Variants in SMYD3 observed in about 807,000 individuals in gnomAD.
The protein encoded by SMYD3 is histone-lysine N-methyltransferase SMYD3.
In SMYD3, 36 loss-of-function variants were observed where a neutral mutation model predicts 57.7. The ratio of observed to expected loss-of-function variants is 0.62; its 90% CI spans 0.48 to 0.82. The LOEUF is 0.82. Ranked by LOEUF, SMYD3 falls within the 40% of genes least tolerant of loss-of-function variation. SMYD3 has a pLI of 0.00. For missense variants in SMYD3, 515 were observed against 538.8 expected (o/e 0.96, Z 0.44); for synonymous variants, 211 against 195.0 (o/e 1.08, Z -0.68).
chr1:245,915,399 A>C (rs377690784), intron 8 of SMYD3, 131 bp downstream of exon 8: 35 of 525,584 alleles, frequency 6.7e-5, no homozygotes, highest in Admixed American at 4.3e-4. Context: ...TCAATGAGTT[A>C]TCTTATTTAT....
At chr1:246,102,831 G>C (rs549913632) in intron 5 of SMYD3, among the ~76,000 whole-genome samples, 1 of 152,244 alleles carries the variant, frequency 6.6e-6, no homozygotes, top group East Asian at 1.9e-4. Flanking sequence ...GCAGCAGTGA[G>C]CTATGATCAT....
intron 5 of SMYD3, among the ~76,000 whole-genome samples, chr1:245,956,853 T>G (rs1220488519): frequency 6.6e-6 from 1 of 152,264 alleles, no homozygotes; most frequent in Non-Finnish European, 1.5e-5. Context: ...TCCTTTGGTT[T>G]GAACATTGCA....
intron 5 of SMYD3, among the ~76,000 whole-genome samples, chr1:246,258,609 G>A (rs2063941546): frequency 6.6e-6 from 1 of 152,158 alleles, no homozygotes; most frequent in African/African-American, 2.4e-5. Context: ...TAGGGCTCCT[G>A]TTGTACAAAA....
intron 10 of SMYD3, among the ~76,000 whole-genome samples, chr1:245,843,678 C>T (rs953789176): frequency 5.3e-5 from 8 of 152,106 alleles, no homozygotes; most frequent in Non-Finnish European, 2.9e-5. Flanking sequence ...GCTATACTAA[C>T]TCCTCAGGAT....
At chr1:245,950,995 C>T (rs12093515) in intron 5 of SMYD3, among the ~76,000 whole-genome samples, 46 of 152,184 alleles carry the variant, frequency 3.0e-4, no homozygotes, top group African/African-American at 9.6e-4. Flanking sequence ...TTGAACACTC[C>T]GGCATATTAG....
At chr1:246,288,481 A>C (rs1308169804) in intron 5 of SMYD3, among the ~76,000 whole-genome samples, 1 of 152,058 alleles carries the variant, frequency 6.6e-6, no homozygotes, top group Non-Finnish European at 1.5e-5. Flanking sequence ...CCTGTGACCC[A>C]GTGGGGGTAA....
At chr1:245,838,871 C>A (rs914708316) in intron 10 of SMYD3, among the ~76,000 whole-genome samples, 2 of 152,208 alleles carry the variant, frequency 1.3e-5, no homozygotes, top group African/African-American at 4.8e-5. Context: ...GACATACAAT[C>A]CCACCCGTAT....
At chr1:245,855,641 G>A (rs568349821) in intron 10 of SMYD3, among the ~76,000 whole-genome samples, 1 of 152,146 alleles carries the variant, frequency 6.6e-6, no homozygotes, top group African/African-American at 2.4e-5. Flanking sequence ...TATACATTTT[G>A]TTGTATGTGA....
intron 5 of SMYD3, among the ~76,000 whole-genome samples, chr1:245,983,186 A>G (rs1166656465): frequency 6.6e-6 from 1 of 152,176 alleles, no homozygotes; most frequent in African/African-American, 2.4e-5. Context: ...CTTTCGGGAC[A>G]TTGTTTTCAG....
At chr1:246,480,582 T>C (rs188139993) in intron 1 of SMYD3, among the ~76,000 whole-genome samples, 64 of 152,294 alleles carry the variant, frequency 4.2e-4, no homozygotes, top group African/African-American at 1.3e-3. Context: ...GGGGAAAAGA[T>C]ATAACTACAT....
chr1:245,930,118 TA>T, intron 5 of SMYD3, 181 bp from the exon 6 acceptor site: 1 of 617,864 alleles, frequency 1.6e-6, no homozygotes, highest in Non-Finnish European at 3.0e-6. Context: ...ATACTCCCCC[TA>T]AAAACATCAG....
chr1:246,149,036 G>C (rs1446464466), intron 5 of SMYD3, among the ~76,000 whole-genome samples: 1 of 152,234 alleles, frequency 6.6e-6, no homozygotes. Flanking sequence ...ACAAGGAGTA[G>C]ACGCCTCATT....
At chr1:246,227,814 G>C (rs1177225685) in intron 5 of SMYD3, among the ~76,000 whole-genome samples, 2 of 151,876 alleles carry the variant, frequency 1.3e-5, no homozygotes, top group East Asian at 3.9e-4. Flanking sequence ...AATAATATTA[G>C]TTTACACATA....
At chr1:246,434,629 TA>T (rs2067343709) in intron 1 of SMYD3, among the ~76,000 whole-genome samples, 1 of 152,140 alleles carries the variant, frequency 6.6e-6, no homozygotes, top group Admixed American at 6.5e-5. Context: ...TGGCTTTTAT[TA>T]AAAAGTCAAA....
chr1:245,842,651 CTATA>C (rs773238469), intron 10 of SMYD3, among the ~76,000 whole-genome samples: 3 of 152,180 alleles, frequency 2.0e-5, no homozygotes, highest in Non-Finnish European at 4.4e-5. Context: ...AATCGGCAGA[CTATA>C]TATTCTATTC....
At chr1:246,272,752 CATA>C (rs1207006468) in intron 5 of SMYD3, among the ~76,000 whole-genome samples, 1 of 152,140 alleles carries the variant, frequency 6.6e-6, no homozygotes, top group African/African-American at 2.4e-5. Flanking sequence ...TTTCTTTTCT[CATA>C]ATATCTTTGT....
intron 10 of SMYD3, among the ~76,000 whole-genome samples, chr1:245,854,580 G>A (rs1015006010): frequency 9.2e-5 from 12 of 130,014 alleles, no homozygotes; most frequent in Non-Finnish European, 2.0e-4. Context: ...ACATGGGCTA[G>A]GGAGTTATCC....
At chr1:246,153,611 G>A (rs1298505199) in intron 5 of SMYD3, among the ~76,000 whole-genome samples, 2 of 152,006 alleles carry the variant, frequency 1.3e-5, no homozygotes, top group African/African-American at 2.4e-5. Context: ...GCGCCACCAT[G>A]CCTGGCTAAT....
intron 11 of SMYD3, among the ~76,000 whole-genome samples, chr1:245,761,535 T>C (rs2045842637): frequency 6.6e-6 from 1 of 152,168 alleles, no homozygotes. Flanking sequence ...CTGTATGCAA[T>C]AGCAATGACT....
Sources: allele counts gnomAD v4.1 joint callset (sites outside exome capture counted in the v4.1 genomes callset), GRCh38; gene constraint gnomAD v4.1.1; transcripts MANE v1.5; gene names NCBI Gene and HGNC (gene_info 2026-07-23, HGNC 2026-07-21).